Variants in PKD1 observed in about 807,000 individuals in gnomAD.
The protein encoded by PKD1 is polycystin-1.
PKD1 carries 81 observed loss-of-function variants against 361.7 expected under a neutral mutation model. The ratio of observed to expected loss-of-function variants is 0.22; its 90% confidence interval spans 0.19 to 0.27. The LOEUF is 0.27. Ranked by LOEUF, PKD1 falls within the 10% of genes least tolerant of loss-of-function variation. The probability of loss-of-function intolerance (pLI) is 1.00; values close to 1 mark genes in which losing one functional copy is unlikely to be tolerated. For missense variants in PKD1, 6,399 were observed against 6,118.3 expected (o/e 1.05, Z -1.53); for synonymous variants, 3,615 against 2,818.3 (o/e 1.28, Z -8.95).
chr16:2,093,600 G>A lies in PKD1; in HGVS notation c.10960C>T (p.Leu3654Phe). ...PRVRPPHGFA[L>F]FLAKEEARKV... is the part of the protein sequence containing the mutation. ...CGGGCTTCTTCCTTGGCCAGGAAGA[G>A]TGCAAAGCCGTGGGGTGGCCGTACG... is the stretch of plus-strand genomic sequence containing the variant. The change falls in exon 37 of 46, where the codon CTC (leucine) becomes TTC (phenylalanine). Residue 3654 changes from leucine (L) to phenylalanine (F), a missense_variant. Physicochemically the swap from Leu to Phe is conservative, Grantham distance 22. Transcript: ENST00000262304. 1.2e-6 allele frequency: 2 copies of A among 1,609,106 alleles called. No individual in the cohort carries two copies. Among genetic ancestry groups the A allele is most frequent in the Non-Finnish European group, 1.7e-6 (2 of 1,178,170 alleles).
Position 2,114,213 on chromosome 16 carries a change from G to C in PKD1, c.2810C>G (p.Ala937Gly). Reference protein sequence around the residue: ...TAEEPICGLRATPSPEARVLQ... With the variant: ...TAEEPICGLRGTPSPEARVLQ... ...TACACGGGCCTCGGGGCTGGGCGTG[G>C]CGCGGAGGCCACAGATGGGCTCCTC... The change falls in exon 11 of 46, where the codon GCC becomes GGC. Residue 937 changes from alanine (A) to glycine (G), a missense_variant. Ala to Gly is a moderately conservative substitution (Grantham distance 60, BLOSUM62 0). Transcript: ENST00000262304. 1.2e-6 allele frequency: 2 copies of C among 1,609,650 alleles called. No homozygotes were observed. Among genetic ancestry groups the C allele is most frequent in the Non-Finnish European group, 1.7e-6 (2 of 1,179,522 alleles).
chr16:2,099,375 T>TTCTGAGTTA, intron 30 of PKD1: 1 of 509,048 alleles, frequency 2.0e-6, no homozygotes, highest in East Asian at 3.8e-5. Flanking sequence ...TGCTTGCTTC[T>TTCTGAGTTA]TCTGAGTTAT....
chr16:2,111,283 T>A lies in PKD1; in HGVS notation c.3884A>T (p.Glu1295Val), dbSNP rs746215131. ...GGCGGCGGGTTCAACGCGCAGCACCTCCAGGACGAAGACCAGCACGTGCAG... is the reference window on the plus strand; with the variant it reads ...GGCGGCGGGTTCAACGCGCAGCACCACCAGGACGAAGACCAGCACGTGCAG... ...RSLHVLVFVL[E>V]VLRVEPAACI... Residue 1295 changes from glutamate to valine, a missense_variant, in exon 15 of 46, where the codon GAG (glutamate) becomes GTG (valine). Physicochemically the swap from Glu to Val is moderately radical, Grantham distance 121. Coordinates refer to ENST00000262304, the MANE Select transcript of PKD1 (RefSeq NM_001009944.3). 1 of 1,609,472 alleles carries A rather than the reference T, an allele frequency of 6.2e-7. No individual in the cohort carries two copies. The highest frequency in any genetic ancestry group is 8.5e-7 in the Non-Finnish European group (1 of 1,179,436).
In PKD1 at chr16:2,118,553, T is replaced by C. The variant is rs2092676333; in HGVS notation, c.530-91A>G. 9 of 1,175,150 alleles carry C rather than the reference T, an allele frequency of 7.7e-6. No individual in the cohort carries two copies. The highest frequency in any genetic ancestry group is 1.5e-5 in the African/African-American group (1 of 66,060). The allele number at this position is 1,175,150 out of a possible 1,614,324, so 72.8% of individuals were successfully genotyped here. On this transcript the variant is annotated intron_variant, in intron 4 of 45. Transcript: ENST00000262304. The surrounding 1 kb of genome is among the most constrained non-coding windows in gnomAD (Gnocchi z 6.0). The stretch of plus-strand genomic sequence containing the variant: ...CGCCCGCCGCACTCACAGGCTCCCA[T>C]GCTGTTCCCTTGGCCCGGAGGCCCC...
At position 2,090,819 on chromosome 16, in the gene PKD1, G is replaced by C. The variant is rs371215337; in HGVS notation, c.12004-11C>G. 2.5e-6 allele frequency: 4 copies of C among 1,612,106 alleles called. No individual in the cohort carries two copies. The highest frequency in any genetic ancestry group is 2.5e-6 in the Non-Finnish European group (3 of 1,179,920). The stretch of plus-strand genomic sequence containing the variant: ...TAGCTGCTGGGCAGCCTGCGGACGA[G>C]AAATCTGTCTGCTTGCAGCCCTGGG... On this transcript the variant is annotated splice_polypyrimidine_tract_variant and intron_variant, in intron 43 of 45. Coordinates refer to ENST00000262304, the MANE Select transcript of PKD1 (RefSeq NM_001009944.3).
chr16:2,089,775 G>A lies in PKD1; in HGVS notation c.12864C>T (p.Ser4288=). ...TGTTCTTGGCCCGAAGGGGTGTCCTGCTGGGGCCAGTGGCCAGGTCCACAC... is the reference window on the plus strand; with the variant it reads ...TGTTCTTGGCCCGAAGGGGTGTCCTACTGGGGCCAGTGGCCAGGTCCACAC... ...SRGVDLATGP[S]RTPLRAKNKV... is the part of the protein sequence containing the mutation. The change falls in exon 46 of 46, where the codon AGC becomes AGT. Residue 4288 remains serine (S), a synonymous_variant. Coordinates refer to ENST00000262304, the MANE Select transcript of PKD1 (RefSeq NM_001009944.3). 6.3e-7 allele frequency: 1 copy of A among 1,597,280 alleles called. No individual in the cohort carries two copies. The highest frequency in any genetic ancestry group is 8.5e-7 in the Non-Finnish European group (1 of 1,173,262).
chr16:2,091,990 C>T, intron 40 of PKD1, 57 bp downstream of exon 40: 7 of 1,612,468 alleles, frequency 4.3e-6, no homozygotes, highest in Non-Finnish European at 5.9e-6. Flanking sequence ...CGCGGCACTC[C>T]TGGAGAACTA....
intron 1 of PKD1, among the ~76,000 whole-genome samples, chr16:2,125,619 G>C (rs1181693185): frequency 6.6e-6 from 1 of 152,164 alleles, no homozygotes; most frequent in Admixed American, 6.5e-5. Flanking sequence ...TGCCTACACA[G>C]ATGGAAAAAC....
chr16:2,093,715 G>T lies in PKD1; in HGVS notation c.10845C>A (p.Phe3615Leu). 1 of 1,592,258 alleles carries T rather than the reference G, an allele frequency of 6.3e-7. No individual in the cohort carries two copies. The highest frequency in any genetic ancestry group is 8.6e-7 in the Non-Finnish European group (1 of 1,168,844). The change falls in exon 37 of 46, where the codon TTC becomes TTA. Residue 3615 changes from phenylalanine (F) to leucine (L), a missense_variant. Physicochemically the swap from Phe to Leu is conservative, Grantham distance 22 (BLOSUM62 0). Coordinates refer to ENST00000262304, the MANE Select transcript of PKD1 (RefSeq NM_001009944.3). ...GGTGCAGCCGCTTGGCCACCAGTGA[G>T]AAGTACAGGGCTTCCAGCAAGACCT... is the stretch of plus-strand genomic sequence containing the variant. ...PLKVLLEALY[F>L]SLVAKRLHPD...
At chr16:2,108,213 G>T (rs368203273) in intron 15 of PKD1, 39 bp downstream of exon 15, 4 of 1,563,922 alleles carry the variant, frequency 2.6e-6, no homozygotes, top group Middle Eastern at 2.3e-4. Flanking sequence ...GGGTGTGGAC[G>T]GGTGAGGGGC....
intron 30 of PKD1, chr16:2,099,316 G>A (rs1179501182): frequency 3.9e-5 from 15 of 386,358 alleles, no homozygotes; most frequent in Non-Finnish European, 6.0e-5. Flanking sequence ...TCCTATAGAT[G>A]TACTGAGATT....
At chr16:2,114,009 C>A in intron 11 of PKD1, 161 bp downstream of exon 11, 1 of 646,364 alleles carries the variant, frequency 1.5e-6, no homozygotes, top group Non-Finnish European at 2.7e-6. Flanking sequence ...TAAAGCCCAC[C>A]AGGTAGCCCG....
chr16:2,092,346 G>A (rs1272720411), intron 39 of PKD1, 134 bp downstream of exon 39: 6 of 997,680 alleles, frequency 6.0e-6, no homozygotes, highest in East Asian at 2.6e-5. Flanking sequence ...CTCATATACA[G>A]AGAAGGAAAC....
intron 1 of PKD1, among the ~76,000 whole-genome samples, chr16:2,121,800 G>A (rs894840144): frequency 4.6e-5 from 7 of 152,110 alleles, no homozygotes; most frequent in African/African-American, 1.4e-4. Context: ...CCAGGACCCC[G>A]AGGCCTCACC....
intron 22 of PKD1, 81 bp downstream of exon 22, chr16:2,104,417 C>T (rs1165660988): frequency 4.7e-5 from 47 of 1,007,446 alleles, no homozygotes; most frequent in South Asian, 1.5e-4. Flanking sequence ...GGGGCAAAGG[C>T]GACGCGGTTG....
Position 2,110,167 on chromosome 16 carries a change from G to A in PKD1, c.5000C>T (p.Thr1667Ile). Reference sequence around the variant, plus strand: ...GGCCGGGCCCCTGTCCCTCCAGGCAGTCCAGCTGTAGGAGACGTTGGTGCC... The same window carrying A: ...GGCCGGGCCCCTGTCCCTCCAGGCAATCCAGCTGTAGGAGACGTTGGTGCC... ...RDGTNVSYSWTAWRDRGPALA... is the reference protein window; with the variant it reads ...RDGTNVSYSWIAWRDRGPALA... Residue 1667 changes from threonine to isoleucine, a missense_variant, in exon 15 of 46, where the codon ACT becomes ATT. Coordinates refer to ENST00000262304, the MANE Select transcript of PKD1 (RefSeq NM_001009944.3). The A allele has an allele frequency of 6.2e-7, 1 of 1,610,738 alleles. No homozygotes were observed. Among genetic ancestry groups the A allele is most frequent in the South Asian group, 1.1e-5 (1 of 90,960 alleles).
In PKD1 at chr16:2,110,705, A is replaced by T. The variant is rs773746552; in HGVS notation, c.4462T>A (p.Ser1488Thr). ...GCGGGGCGCCCACGGCCCACAGCAGAGAACAGGTACGGCTGCTGCAGCTCC... is the reference window on the plus strand; with the variant it reads ...GCGGGGCGCCCACGGCCCACAGCAGTGAACAGGTACGGCTGCTGCAGCTCC... ...GLELQQPYLFSAVGRGRPASY... is the reference protein window; with the variant it reads ...GLELQQPYLFTAVGRGRPASY... The change falls in exon 15 of 46, where the codon TCT becomes ACT. Residue 1488 changes from serine to threonine, a missense_variant. By Grantham distance (58) the Ser-to-Thr change is moderately conservative. Transcript: ENST00000262304. 7 of 1,610,552 alleles carry T rather than the reference A, an allele frequency of 4.3e-6. No individual in the cohort carries two copies. The highest frequency in any genetic ancestry group is 2.2e-4 in the Middle Eastern group (1 of 4,446).
At chr16:2,093,484 G>A in intron 37 of PKD1, 60 bp downstream of exon 37, 2 of 1,459,776 alleles carry the variant, frequency 1.4e-6, no homozygotes, top group Non-Finnish European at 9.4e-7. Flanking sequence ...TGCGTGCATG[G>A]GTGGGAGGTG....
rs911571381 is a variant in PKD1 at position 2,091,149 on chromosome 16, T to C, written c.11738A>G (p.His3913Arg). 14 of 1,441,738 alleles carry C rather than the reference T, an allele frequency of 9.7e-6. No homozygotes were observed. Among genetic ancestry groups the C allele is most frequent in the African/African-American group, 3.0e-5 (2 of 66,976 alleles). The allele number at this position is 1,441,738 out of a possible 1,614,324, so 89.3% of individuals were successfully genotyped here. The change falls in exon 43 of 46, where the codon CAC becomes CGC. Residue 3913 changes from histidine (H) to arginine (R), a missense_variant. Physicochemically the swap from His to Arg is conservative, Grantham distance 29. Transcript: ENST00000262304. ...TSVCLLLFAVHFAVAEARTWH... is the reference protein window; with the variant it reads ...TSVCLLLFAVRFAVAEARTWH... The stretch of plus-strand genomic sequence containing the variant: ...AGTACGGGCCTCGGCCACGGCGAAG[T>C]GCACGGCGAACAGCAGCAGGCACAC...
Sources: allele counts gnomAD v4.1 joint callset (sites outside exome capture counted in the v4.1 genomes callset), GRCh38; gene constraint gnomAD v4.1.1; non-coding constraint Gnocchi (gnomAD v3.1); transcripts MANE v1.5; gene names NCBI Gene and HGNC (gene_info 2026-07-23, HGNC 2026-07-21).